The following PRKCB variants were observed in gnomAD, a reference collection of about 807,000 sequenced individuals.
PRKCB encodes the protein protein kinase C beta.
PRKCB carries 13 observed loss-of-function variants against 81.5 expected under a neutral mutation model. That is an observed-to-expected ratio of 0.16 (90% CI 0.10 to 0.25). The LOEUF (loss-of-function observed/expected upper bound fraction) is 0.25, where lower values mean the gene tolerates loss of function less well. Among genes scored for constraint, PRKCB ranks in the 10% least tolerant of loss-of-function variants. PRKCB has a pLI of 1.00. For missense variants in PRKCB, 509 were observed against 875.7 expected, an observed-to-expected ratio of 0.58 and a Z score of 5.29; for synonymous variants, 335 against 321.4, an observed-to-expected ratio of 1.04 and a Z score of -0.45.
At chr16:23,960,458 C>CT (rs539421935) in intron 2 of PRKCB, among the ~76,000 whole-genome samples, 138 of 149,498 alleles carry the variant, frequency 9.2e-4, no homozygotes, top group Middle Eastern at 3.5e-3. Context: ...ATGTCTGTGT[C>CT]TTTTTTTTTT....
chr16:23,996,056 G>A (rs1304544579), intron 3 of PRKCB, among the ~76,000 whole-genome samples: 2 of 152,068 alleles, frequency 1.3e-5, no homozygotes, highest in Non-Finnish European at 2.9e-5. Flanking sequence ...TGATTCATGG[G>A]CTGTAGCCAA....
intron 5 of PRKCB, among the ~76,000 whole-genome samples, chr16:24,043,360 T>C (rs1374802053): frequency 6.6e-6 from 1 of 152,248 alleles, no homozygotes. Flanking sequence ...AATTTTTTGT[T>C]ATGTATTCAT....
intron 9 of PRKCB, among the ~76,000 whole-genome samples, chr16:24,150,408 G>T (rs1451070157): frequency 6.6e-6 from 1 of 152,124 alleles, no homozygotes; most frequent in Non-Finnish European, 1.5e-5. Context: ...AGGGACCCAG[G>T]ACTGACTCCT....
intron 8 of PRKCB, among the ~76,000 whole-genome samples, chr16:24,119,851 C>T (rs1365736636): frequency 6.6e-6 from 1 of 152,182 alleles, no homozygotes; most frequent in East Asian, 1.9e-4. Context: ...TATACAACTG[C>T]TTACTGGGTA....
At chr16:24,017,976 G>A (rs11864755) in intron 3 of PRKCB, among the ~76,000 whole-genome samples, 29,304 of 146,490 alleles carry the variant, frequency 0.2, 2,945 homozygotes, top group East Asian at 0.31. Flanking sequence ...TCAGCTCACT[G>A]CAAGCTCCAC....
At chr16:23,908,562 G>A (rs755028054) in intron 2 of PRKCB, among the ~76,000 whole-genome samples, 1 of 151,786 alleles carries the variant, frequency 6.6e-6, no homozygotes, top group Non-Finnish European at 1.5e-5. Context: ...ACGGATTCTC[G>A]CTCTGTCGCC....
chr16:24,185,307 C>T, intron 14 of PRKCB, 116 bp downstream of exon 14: 1 of 1,240,622 alleles, frequency 8.1e-7, no homozygotes, highest in Non-Finnish European at 1.2e-6. Flanking sequence ...TATGACTTTC[C>T]CGGCCTTGGG....
intron 2 of PRKCB, among the ~76,000 whole-genome samples, chr16:23,844,875 C>T (rs943141007): frequency 1.3e-5 from 2 of 149,406 alleles, no homozygotes; most frequent in Non-Finnish European, 3.0e-5. Flanking sequence ...GATCTTGGTT[C>T]ACTGTAACCT....
At chr16:24,019,930 A>G (rs990668869) in intron 3 of PRKCB, among the ~76,000 whole-genome samples, 2 of 152,310 alleles carry the variant, frequency 1.3e-5, no homozygotes, top group African/African-American at 4.8e-5. Flanking sequence ...GCTACCCTAA[A>G]CAGGGCTTCA....
intron 3 of PRKCB, among the ~76,000 whole-genome samples, chr16:23,991,428 G>A (rs1307371614): frequency 1.3e-5 from 2 of 152,176 alleles, no homozygotes; most frequent in African/African-American, 4.8e-5. Flanking sequence ...AGGCAGGGGA[G>A]TTTGGGGAGA....
At chr16:24,079,629 T>C (rs1966223896) in intron 5 of PRKCB, among the ~76,000 whole-genome samples, 1 of 152,238 alleles carries the variant, frequency 6.6e-6, no homozygotes, top group African/African-American at 2.4e-5. Context: ...ATCAATCAGA[T>C]GCCAGAATCT....
At chr16:24,075,951 TG>T (rs1442119736) in intron 5 of PRKCB, among the ~76,000 whole-genome samples, 4 of 152,202 alleles carry the variant, frequency 2.6e-5, no homozygotes, top group African/African-American at 9.7e-5. Context: ...TTTTTTTGTT[TG>T]TTATTATACT....
At chr16:23,919,609 T>A (rs1963794370) in intron 2 of PRKCB, among the ~76,000 whole-genome samples, 1 of 152,212 alleles carries the variant, frequency 6.6e-6, no homozygotes, top group African/African-American at 2.4e-5. Flanking sequence ...AACTTCTTTA[T>A]CTTGCAAAAC....
At chr16:23,874,953 TA>T in intron 2 of PRKCB, among the ~76,000 whole-genome samples, 1 of 152,290 alleles carries the variant, frequency 6.6e-6, no homozygotes, top group South Asian at 2.1e-4. Context: ...TTTAAGGTCC[TA>T]CATCTGTCTT....
intron 5 of PRKCB, among the ~76,000 whole-genome samples, chr16:24,039,790 A>T (rs1401214506): frequency 1.3e-5 from 2 of 152,188 alleles, no homozygotes; most frequent in Non-Finnish European, 2.9e-5. Context: ...AGGGTCCAAC[A>T]GCATCTGGCA....
chr16:24,131,315 G>C lies in PRKCB; in HGVS notation c.1065+7334G>C, dbSNP rs113181823. Among the ~76,000 whole-genome samples the C allele has an allele frequency of 8.8e-3, 1,334 of 152,290 alleles. 18 individuals carry two copies. Among genetic ancestry groups the C allele is most frequent in the Middle Eastern group, 0.041 (12 of 294 alleles). The stretch of plus-strand genomic sequence containing the variant: ...CATTAAGCTTCCCCATCTAGTGCTT[G>C]ACTTCCCTAAAATAATCCCAGGACA... On this transcript the variant is annotated intron_variant, in intron 9 of 16. Transcript: ENST00000643927.
At chr16:23,927,001 G>A (rs1963905899) in intron 2 of PRKCB, among the ~76,000 whole-genome samples, 1 of 152,130 alleles carries the variant, frequency 6.6e-6, no homozygotes, top group South Asian at 2.1e-4. Flanking sequence ...TGGTGCTGAG[G>A]TGTCTCACAG....
At chr16:23,938,112 C>G (rs572379587) in intron 2 of PRKCB, among the ~76,000 whole-genome samples, 1 of 152,130 alleles carries the variant, frequency 6.6e-6, no homozygotes, top group South Asian at 2.1e-4. Flanking sequence ...CCATTACTAG[C>G]GAAAACATCA....
chr16:23,890,506 A>G (rs1167137857), intron 2 of PRKCB, among the ~76,000 whole-genome samples: 3 of 152,156 alleles, frequency 2.0e-5, no homozygotes, highest in Non-Finnish European at 2.9e-5. Flanking sequence ...TGGAAGCAAA[A>G]TGACCCTTGC....
Sources: gnomAD v4.1 joint callset for allele counts (sites outside exome capture counted in the v4.1 genomes callset) on GRCh38, gnomAD v4.1.1 for gene constraint, MANE v1.5 for transcripts, NCBI Gene and HGNC (gene_info 2026-07-23, HGNC 2026-07-21) for gene names.